The following SH2D4B variants were observed in gnomAD, a reference collection of about 807,000 sequenced individuals.
The protein encoded by SH2D4B is SH2 domain containing 4B.
A neutral mutation model predicts 61.5 loss-of-function variants in SH2D4B; 45 were observed. The ratio of observed to expected loss-of-function variants is 0.73; its 90% CI spans 0.58 to 0.94. SH2D4B has a LOEUF of 0.94. Among genes scored for constraint, SH2D4B ranks in the 40% least tolerant of loss-of-function variants. SH2D4B has a pLI of 0.00. For synonymous variants in SH2D4B, 224 were observed against 220.4 expected, an observed-to-expected ratio of 1.02 and a Z score of -0.14; for missense variants, 572 against 574.2, an observed-to-expected ratio of 1.00 and a Z score of 0.04.
chr10:80,639,273 A>G (rs1244812838), intron 7 of SH2D4B, among the ~76,000 whole-genome samples: 8 of 152,188 alleles, frequency 5.3e-5, no homozygotes, highest in Middle Eastern at 6.8e-3. Context: ...TTGATTTGGG[A>G]TGGAGAGTTC....
At chr10:80,583,506 A>G (rs1278742919) in intron 3 of SH2D4B, among the ~76,000 whole-genome samples, 2 of 151,562 alleles carry the variant, frequency 1.3e-5, no homozygotes, top group African/African-American at 4.9e-5. Context: ...CGTCTCCACT[A>G]AAAATACAAA....
chr10:80,581,876 T>G (rs1308214578), intron 3 of SH2D4B, among the ~76,000 whole-genome samples: 1 of 152,076 alleles, frequency 6.6e-6, no homozygotes, highest in South Asian at 2.1e-4. Context: ...GGGTCAGGGG[T>G]GGGTCCTTTG....
intron 4 of SH2D4B, among the ~76,000 whole-genome samples, chr10:80,597,153 G>A (rs757236311): frequency 2.0e-4 from 30 of 152,164 alleles, no homozygotes; most frequent in Non-Finnish European, 3.1e-4. Flanking sequence ...AGCATTCGCA[G>A]ATTTTGGTAT....
At chr10:80,630,220 T>C (rs1279880475) in intron 6 of SH2D4B, among the ~76,000 whole-genome samples, 1 of 152,156 alleles carries the variant, frequency 6.6e-6, no homozygotes, top group Non-Finnish European at 1.5e-5. Flanking sequence ...AGAGGAATCT[T>C]GCTTTGGGTA....
In SH2D4B at chr10:80,598,984, C is replaced by T. The variant is rs189479568; in HGVS notation, c.644-4595C>T. On this transcript the variant is annotated intron_variant, in intron 4 of 7. Transcript: ENST00000646907. ...TTGTGTTCACCTGTGGCTCCTTGAC[C>T]TGTGTCATTCTGGTTGTGGCCTTTA... 5.5e-4 allele frequency among the ~76,000 whole-genome samples: 84 copies of T among 152,270 alleles called. 1 individual carries two copies. The highest frequency in any genetic ancestry group is 2.8e-3 in the Admixed American group (43 of 15,284).
intron 4 of SH2D4B, 102 bp downstream of exon 4, chr10:80,588,879 A>AC (rs1175053105): frequency 1.4e-6 from 2 of 1,418,532 alleles, no homozygotes; most frequent in East Asian, 4.9e-5. Context: ...TCGCTCACTC[A>AC]CCCCATCAGC....
At chr10:80,589,153 G>C (rs548136849) in intron 4 of SH2D4B, among the ~76,000 whole-genome samples, 29 of 151,914 alleles carry the variant, frequency 1.9e-4, no homozygotes, top group African/African-American at 6.7e-4. Context: ...ACAGGCACCC[G>C]CCACCAAGCC....
intron 1 of SH2D4B, among the ~76,000 whole-genome samples, chr10:80,564,049 A>C (rs1405633055): frequency 1.3e-5 from 2 of 152,172 alleles, no homozygotes; most frequent in Admixed American, 1.3e-4. Context: ...AGTTGTGATC[A>C]TTTGATGGTT....
intron 4 of SH2D4B, among the ~76,000 whole-genome samples, chr10:80,601,429 G>C (rs1842450916): frequency 6.6e-6 from 1 of 152,182 alleles, no homozygotes; most frequent in Non-Finnish European, 1.5e-5. Context: ...CTTGAAAGAA[G>C]GATTTGCTTC....
intron 3 of SH2D4B, among the ~76,000 whole-genome samples, chr10:80,586,561 G>T (rs1350218450): frequency 6.6e-6 from 1 of 152,112 alleles, no homozygotes; most frequent in Non-Finnish European, 1.5e-5. Context: ...TGGTGGGGAC[G>T]TGGAGAACCT....
At chr10:80,608,492 G>A (rs554626028) in intron 5 of SH2D4B, among the ~76,000 whole-genome samples, 14 of 152,320 alleles carry the variant, frequency 9.2e-5, no homozygotes, top group Admixed American at 6.5e-4. Flanking sequence ...TGCCTGTCAC[G>A]TGTCGTGTGC....
intron 1 of SH2D4B, among the ~76,000 whole-genome samples, chr10:80,566,016 A>T (rs1281286613): frequency 7.5e-6 from 1 of 133,796 alleles, no homozygotes; most frequent in African/African-American, 2.7e-5. Context: ...GCGTGAACCC[A>T]GGAGGCGGAG....
intron 1 of SH2D4B, among the ~76,000 whole-genome samples, chr10:80,559,637 ATTT>A (rs773552620): frequency 1.5e-5 from 2 of 129,924 alleles, no homozygotes; most frequent in Non-Finnish European, 3.3e-5. Flanking sequence ...GTGGTCCTGC[ATTT>A]TTTTTTTTTT....
At chr10:80,620,913 T>C (rs1842712166) in intron 6 of SH2D4B, among the ~76,000 whole-genome samples, 1 of 152,258 alleles carries the variant, frequency 6.6e-6, no homozygotes, top group Non-Finnish European at 1.5e-5. Flanking sequence ...GACACTATTC[T>C]AGACATGAAA....
chr10:80,620,650 T>C (rs769849866), intron 6 of SH2D4B, among the ~76,000 whole-genome samples: 1 of 152,236 alleles, frequency 6.6e-6, no homozygotes, highest in Non-Finnish European at 1.5e-5. Flanking sequence ...ATCCCAGCTC[T>C]GCCATTTATT....
At chr10:80,622,741 G>A (rs1842729152) in intron 6 of SH2D4B, among the ~76,000 whole-genome samples, 1 of 152,126 alleles carries the variant, frequency 6.6e-6, no homozygotes, top group Non-Finnish European at 1.5e-5. Flanking sequence ...TCTGTTGACT[G>A]CTCTTGGATC....
At chr10:80,606,046 C>G (rs1435323903) in intron 5 of SH2D4B, among the ~76,000 whole-genome samples, 2 of 152,112 alleles carry the variant, frequency 1.3e-5, no homozygotes, top group East Asian at 3.9e-4. Flanking sequence ...GCAGCAGGCC[C>G]AGGCAGTGAG....
At chr10:80,606,121 C>A (rs1468131320) in intron 5 of SH2D4B, among the ~76,000 whole-genome samples, 1 of 152,184 alleles carries the variant, frequency 6.6e-6, no homozygotes, top group Non-Finnish European at 1.5e-5. Context: ...GGCCTCACTG[C>A]TGTCACCTCT....
chr10:80,546,022 C>T (rs78741530), intron 1 of SH2D4B, among the ~76,000 whole-genome samples: 1 of 143,788 alleles, frequency 7.0e-6, no homozygotes, highest in East Asian at 2.0e-4. Flanking sequence ...TTCTTTCTTT[C>T]TCTTTCTTTC....
Sources: allele counts gnomAD v4.1 joint callset (sites outside exome capture counted in the v4.1 genomes callset), GRCh38; gene constraint gnomAD v4.1.1; transcripts MANE v1.5; gene names NCBI Gene and HGNC (gene_info 2026-07-23, HGNC 2026-07-21).